The following PPP2R2B variants were observed in gnomAD, a reference collection of about 807,000 sequenced individuals.
PPP2R2B encodes serine/threonine-protein phosphatase 2A 55 kDa regulatory subunit B beta isoform.
PPP2R2B carries 5 observed loss-of-function variants against 46.0 expected under a neutral mutation model. The ratio of observed to expected loss-of-function variants is 0.11; its 90% CI spans 0.06 to 0.23. PPP2R2B has a LOEUF of 0.23. PPP2R2B is among the 10% of genes least tolerant of loss of function. The pLI is 1.00. For synonymous variants in PPP2R2B, 215 were observed against 206.7 expected (o/e 1.04, Z -0.34); for missense variants, 367 against 575.0 (o/e 0.64, Z 3.70).
At chr5:147,051,815 T>C (rs2151903012) in intron 1 of PPP2R2B, among the ~76,000 whole-genome samples, 1 of 134,792 alleles carries the variant, frequency 7.4e-6, no homozygotes, top group Non-Finnish European at 1.5e-5. Context: ...CAGGCTGGAG[T>C]GCAGTAGTGT....
chr5:147,042,914 G>A (rs932778598), intron 1 of PPP2R2B, among the ~76,000 whole-genome samples: 1 of 152,038 alleles, frequency 6.6e-6, no homozygotes, highest in Admixed American at 6.6e-5. Context: ...GCCCTGGAGA[G>A]GGGATGTACG....
At chr5:146,666,343 T>C (rs894135619) in intron 5 of PPP2R2B, among the ~76,000 whole-genome samples, 2 of 152,316 alleles carry the variant, frequency 1.3e-5, no homozygotes, top group Admixed American at 1.3e-4. Context: ...CCCTGAGATA[T>C]GGAACCGTAA....
intron 2 of PPP2R2B, among the ~76,000 whole-genome samples, chr5:147,066,923 G>T (rs1177003238): frequency 3.3e-5 from 5 of 152,074 alleles, no homozygotes; most frequent in Admixed American, 2.6e-4. Context: ...CCACACCAAG[G>T]CCCTTGGTGG....
chr5:146,874,033 A>C (rs951457578), intron 2 of PPP2R2B, among the ~76,000 whole-genome samples: 1 of 152,120 alleles, frequency 6.6e-6, no homozygotes, highest in Non-Finnish European at 1.5e-5. Flanking sequence ...TTAATTGCAA[A>C]TTCATCCTTT....
chr5:146,590,141 C>G lies in PPP2R2B; in HGVS notation c.1138G>C (p.Glu380Gln). The change falls in exon 10 of 10, where the codon GAA becomes CAA. Residue 380 changes from glutamate (E) to glutamine (Q), a missense_variant. Coordinates refer to ENST00000394411, the MANE Select transcript of PPP2R2B (RefSeq NM_181675.4). ...KRDVTLEASR[E>Q]NSKPRAILKP... ...AGGATAGCCCGGGGCTTGCTGTTTT[C>G]CCTCGAAGCCTCAAGGGTCACATCA... The G allele has an allele frequency of 6.2e-7, 1 of 1,614,096 alleles. No homozygotes were observed. Among genetic ancestry groups the G allele is most frequent in the Non-Finnish European group, 8.5e-7 (1 of 1,180,022 alleles).
intron 1 of PPP2R2B, among the ~76,000 whole-genome samples, chr5:146,993,604 T>C (rs1753798157): frequency 6.6e-6 from 1 of 152,158 alleles, no homozygotes; most frequent in South Asian, 2.1e-4. Flanking sequence ...TTTGACTCTA[T>C]ACATTGCTAC....
intron 2 of PPP2R2B, among the ~76,000 whole-genome samples, chr5:146,791,265 A>G (rs930790019): frequency 5.3e-5 from 8 of 152,170 alleles, no homozygotes; most frequent in Admixed American, 6.5e-5. Context: ...TCATACTGCT[A>G]TATCTTAGTC....
At chr5:146,758,077 C>T (rs1489742878) in intron 2 of PPP2R2B, among the ~76,000 whole-genome samples, 1 of 152,142 alleles carries the variant, frequency 6.6e-6, no homozygotes, top group Non-Finnish European at 1.5e-5. Context: ...TGATTTTGCT[C>T]ACATTATGGT....
chr5:146,830,470 G>T (rs1758859446), intron 2 of PPP2R2B, among the ~76,000 whole-genome samples: 1 of 151,380 alleles, frequency 6.6e-6, no homozygotes, highest in Non-Finnish European at 1.5e-5. Flanking sequence ...CTGCATCTTG[G>T]TTAGCCACCT....
chr5:146,595,058 C>A (rs957489602), intron 8 of PPP2R2B, among the ~76,000 whole-genome samples: 1 of 152,190 alleles, frequency 6.6e-6, no homozygotes, highest in Non-Finnish European at 1.5e-5. Context: ...GTTATTTGGA[C>A]AGAGGAAGTT....
At chr5:146,808,217 A>G (rs1000455319) in intron 2 of PPP2R2B, among the ~76,000 whole-genome samples, 3 of 152,190 alleles carry the variant, frequency 2.0e-5, no homozygotes, top group African/African-American at 7.2e-5. Context: ...CAGTAGCCAC[A>G]TACAGTGATT....
chr5:146,985,986 T>C (rs1436072402), intron 1 of PPP2R2B, among the ~76,000 whole-genome samples: 1 of 152,158 alleles, frequency 6.6e-6, no homozygotes, highest in South Asian at 2.1e-4. Flanking sequence ...TAGAACCCTC[T>C]GACAAGTATC....
intron 2 of PPP2R2B, among the ~76,000 whole-genome samples, chr5:146,756,780 AG>A (rs1464850677): frequency 1.9e-4 from 29 of 152,220 alleles, no homozygotes; most frequent in African/African-American, 6.8e-4. Context: ...GTCAACATTC[AG>A]TGACTGTTGT....
rs1175127576 is a variant in PPP2R2B, at chr5:146,584,854, C to T, written c.*5093G>A. On this transcript the variant is annotated 3_prime_UTR_variant, in exon 10 of 10. Transcript: ENST00000394411. ...AAACATTGGCTTTCTGTTTCCATGC[C>T]ATATGGATTTTGCTTCATATTCTGG... 6.6e-6 allele frequency: 1 copy of T among 152,142 alleles called. No homozygotes were observed. The highest frequency in any genetic ancestry group is 2.4e-5 in the African/African-American group (1 of 41,428). The allele number at this position is 152,142 out of a possible 1,614,324, so 9.4% of individuals were successfully genotyped here.
At chr5:146,644,696 T>C (rs921732080) in intron 6 of PPP2R2B, among the ~76,000 whole-genome samples, 1 of 152,218 alleles carries the variant, frequency 6.6e-6, no homozygotes, top group Non-Finnish European at 1.5e-5. Context: ...TTTATCTCTC[T>C]GGGTTTCCAT....
chr5:146,783,461 G>A (rs893650063), intron 2 of PPP2R2B, among the ~76,000 whole-genome samples: 6 of 152,074 alleles, frequency 3.9e-5, no homozygotes, highest in South Asian at 2.1e-4. Flanking sequence ...GTCTGGACCC[G>A]TCATTTTCTC....
chr5:146,855,992 A>G (rs981634155), intron 2 of PPP2R2B, among the ~76,000 whole-genome samples: 5 of 152,176 alleles, frequency 3.3e-5, no homozygotes, highest in African/African-American at 1.2e-4. Flanking sequence ...CTCATTGGAA[A>G]TTACCTGTTC....
intron 1 of PPP2R2B, among the ~76,000 whole-genome samples, chr5:147,022,399 T>TTA (rs1755320057): frequency 1.5e-5 from 2 of 135,628 alleles, no homozygotes; most frequent in Admixed American, 7.3e-5. Flanking sequence ...TCTGCTAAAA[T>TTA]AAAAAAAAAA....
intron 1 of PPP2R2B, among the ~76,000 whole-genome samples, chr5:146,973,987 T>TG (rs1752779064): frequency 6.6e-6 from 1 of 152,222 alleles, no homozygotes; most frequent in African/African-American, 2.4e-5. Context: ...AGAAATAATC[T>TG]GGAGGCAGAT....
Sources: gnomAD v4.1 joint callset for allele counts (sites outside exome capture counted in the v4.1 genomes callset) on GRCh38, gnomAD v4.1.1 for gene constraint, MANE v1.5 for transcripts, NCBI Gene and HGNC (gene_info 2026-07-23, HGNC 2026-07-21) for gene names.